The following PCDHGB2 variants were observed in gnomAD, a reference collection of about 807,000 sequenced individuals.
The protein encoded by PCDHGB2 is protocadherin gamma subfamily B, 2.
Under a neutral mutation model 59.3 loss-of-function variants are expected in PCDHGB2, and 55 were observed. The ratio of observed to expected loss-of-function variants is 0.93; its 90% CI spans 0.75 to 1.16. The LOEUF (loss-of-function observed/expected upper bound fraction) is 1.16, where lower values mean the gene tolerates loss of function less well. Among genes scored for constraint, PCDHGB2 ranks in the 50% most tolerant of loss-of-function variants. The pLI, the probability that PCDHGB2 is intolerant of heterozygous loss-of-function variation, is 0.00. For missense variants in PCDHGB2, 1,228 were observed against 1,198.5 expected (o/e 1.02, Z -0.36); for synonymous variants, 516 against 512.0 (o/e 1.01, Z -0.11).
At chr5:141,383,533 C>T (rs2240698) in intron 1 of PCDHGB2, 21,821 of 1,612,448 alleles carry the variant, frequency 0.014, 752 homozygotes, top group East Asian at 0.14. Flanking sequence ...CCACCTGGTC[C>T]TCACAGCCTC....
rs375307919 is a variant in PCDHGB2, at chr5:141,371,297, C to T, written c.2421+8741C>T. ...AGCTGGACAGTAAAACGGGGGAACT[C>T]ACCACTATTGGAGAACTGGACTTTG... On this transcript the variant is annotated intron_variant, in intron 1 of 3. Coordinates refer to ENST00000522605, the MANE Select transcript of PCDHGB2 (RefSeq NM_018923.3). 11 of 1,613,878 alleles carry T rather than the reference C, an allele frequency of 6.8e-6. No individual in the cohort carries two copies. The African/African-American group carries it at 1.5e-4, about 22-fold the overall frequency.
intron 1 of PCDHGB2, among the ~76,000 whole-genome samples, chr5:141,443,505 A>G (rs553893860): frequency 4.4e-4 from 67 of 152,222 alleles, no homozygotes; most frequent in African/African-American, 1.4e-3. Context: ...AAACAAATAA[A>G]GAGCTTCTCT....
chr5:141,388,941 C>G, intron 1 of PCDHGB2: 1 of 1,613,962 alleles, frequency 6.2e-7, no homozygotes, highest in South Asian at 1.1e-5. Context: ...TCTACCCAAC[C>G]TAATTATGGA....
rs545232987 is a variant in PCDHGB2 at position 141,484,750 on chromosome 5, G to GTA, written c.2422-10043_2422-10042dup. 2.3e-3 allele frequency among the ~76,000 whole-genome samples: 340 copies of GTA among 149,860 alleles called. 1 individual carries two copies. Among genetic ancestry groups the GTA allele is most frequent in the South Asian group, 1.0e-2 (47 of 4,704 alleles). On this transcript the variant is annotated intron_variant, in intron 1 of 3. Coordinates refer to ENST00000522605, the MANE Select transcript of PCDHGB2 (RefSeq NM_018923.3). ...CAGTCGGTGTGTTAGGAAAAAAAAT[G>GTA]TATATATATATATATGTTGTCTGCC...
chr5:141,383,044 G>A, intron 1 of PCDHGB2: 2 of 1,613,876 alleles, frequency 1.2e-6, no homozygotes, highest in Non-Finnish European at 1.7e-6. Flanking sequence ...GGGAGACATC[G>A]CCAAGGACCT....
At chr5:141,387,607 AG>A in intron 1 of PCDHGB2, 2 of 547,806 alleles carry the variant, frequency 3.7e-6, no homozygotes, top group Non-Finnish European at 6.4e-6. Context: ...CAGAGGCTGT[AG>A]TTTCCTAGTG....
At chr5:141,386,135 G>A (rs2090475678) in intron 1 of PCDHGB2, 1 of 152,130 alleles carries the variant, frequency 6.6e-6, no homozygotes, top group African/African-American at 2.4e-5. Context: ...GGGGATACTG[G>A]CTTTGTTTCA....
At chr5:141,427,056 T>C (rs1472513807) in intron 1 of PCDHGB2, 1 of 457,676 alleles carries the variant, frequency 2.2e-6, no homozygotes, top group Non-Finnish European at 4.4e-6. Flanking sequence ...CCCAGGCACC[T>C]CTGTACTAAA....
At chr5:141,385,488 T>G in intron 1 of PCDHGB2, 1 of 1,400,248 alleles carries the variant, frequency 7.1e-7, no homozygotes, top group Non-Finnish European at 9.3e-7. Flanking sequence ...ATAGAACACA[T>G]AGGATATAGT....
chr5:141,505,249 G>T, intron 2 of PCDHGB2, 144 bp from the exon 3 acceptor site: 1 of 1,447,748 alleles, frequency 6.9e-7, no homozygotes, highest in Non-Finnish European at 9.2e-7. Flanking sequence ...GATTGTAGAA[G>T]TGCCTCCTAC....
intron 1 of PCDHGB2, chr5:141,410,167 T>C (rs372848702): frequency 6.2e-7 from 1 of 1,613,652 alleles, no homozygotes; most frequent in African/African-American, 1.3e-5. Context: ...CGCCACTCTC[T>C]GCCACCGCCA....
chr5:141,475,644 A>C (rs1021491842), intron 1 of PCDHGB2, among the ~76,000 whole-genome samples: 2 of 152,238 alleles, frequency 1.3e-5, no homozygotes, highest in Non-Finnish European at 2.9e-5. Context: ...TCTTGTGATC[A>C]AAGAAAGTGA....
intron 1 of PCDHGB2, among the ~76,000 whole-genome samples, chr5:141,452,114 A>C (rs1443131264): frequency 1.3e-5 from 2 of 152,098 alleles, no homozygotes; most frequent in Admixed American, 1.3e-4. Flanking sequence ...TTCTCTTCTT[A>C]TTTATTCATA....
In PCDHGB2 at chr5:141,370,388, G is replaced by A. The variant is rs10052885; in HGVS notation, c.2421+7832G>A. 6.8e-4 allele frequency: 1,046 copies of A among 1,542,246 alleles called. 12 individuals carry two copies. In the African/African-American group the frequency reaches 0.013, roughly 19 times the overall value. Reference sequence around the variant, plus strand: ...GGATTTAGAAAGGCAAAGGCGCAGAGAGCGGGATGGGAAATAGCTCCGGAT... The same window carrying A: ...GGATTTAGAAAGGCAAAGGCGCAGAAAGCGGGATGGGAAATAGCTCCGGAT... On this transcript the variant is annotated intron_variant, in intron 1 of 3. Coordinates refer to ENST00000522605, the MANE Select transcript of PCDHGB2 (RefSeq NM_018923.3).
At chr5:141,424,956 T>A (rs1435882776) in intron 1 of PCDHGB2, among the ~76,000 whole-genome samples, 1 of 152,176 alleles carries the variant, frequency 6.6e-6, no homozygotes, top group African/African-American at 2.4e-5. Context: ...TTCTAGGTAT[T>A]TGCCCCAAAT....
intron 1 of PCDHGB2, chr5:141,441,667 A>C: frequency 3.7e-6 from 1 of 267,984 alleles, no homozygotes; most frequent in Non-Finnish European, 7.4e-6. Flanking sequence ...TTGAGCGCAC[A>C]GTGCGCCTTC....
rs779981011 is a variant in PCDHGB2 at position 141,395,287 on chromosome 5, G to T, written c.2421+32731G>T. 11 of 1,533,118 alleles carry T rather than the reference G, an allele frequency of 7.2e-6. No homozygotes were observed. The South Asian group carries it at 1.3e-4, about 18-fold the overall frequency. 95.0% of individuals were successfully genotyped at this position (1,533,118 alleles called of 1,614,324 possible). A position where few individuals can be genotyped will look rare whatever the true frequency, so the allele number is the denominator to read the frequency against. On this transcript the variant is annotated intron_variant, in intron 1 of 3. Transcript: ENST00000522605. ...TTAATTTCCAGATGAATTTTATTTG[G>T]CATAAATTATGTTTTGAAAAACATT...
At chr5:141,418,692 C>T in intron 1 of PCDHGB2, 5 of 1,614,032 alleles carry the variant, frequency 3.1e-6, no homozygotes, top group Non-Finnish European at 4.2e-6. Flanking sequence ...TCAGAGATCA[C>T]TTATTCCTTC....
At chr5:141,422,500 G>A (rs762511271) in intron 1 of PCDHGB2, 1 of 1,614,008 alleles carries the variant, frequency 6.2e-7, no homozygotes, top group Non-Finnish European at 8.5e-7. Flanking sequence ...AACGTTGACA[G>A]CCACAGACCA....
Sources: allele counts gnomAD v4.1 joint callset (sites outside exome capture counted in the v4.1 genomes callset), GRCh38; gene constraint gnomAD v4.1.1; transcripts MANE v1.5; gene names NCBI Gene and HGNC (gene_info 2026-07-23, HGNC 2026-07-21).